The following AP1G1 variants were observed in gnomAD, a reference collection of about 807,000 sequenced individuals.
The protein encoded by AP1G1 is AP-1 complex subunit gamma-1.
AP1G1 carries 7 observed loss-of-function variants against 108.3 expected under a neutral mutation model. That is an observed-to-expected ratio of 0.06 (90% confidence interval 0.04 to 0.12). The LOEUF (loss-of-function observed/expected upper bound fraction) is 0.12. Ranked by LOEUF, AP1G1 falls within the 10% of genes least tolerant of loss-of-function variation. The probability of loss-of-function intolerance (pLI) is 1.00; values close to 1 mark genes in which losing one functional copy is unlikely to be tolerated. For synonymous variants in AP1G1, 379 were observed against 353.5 expected, an observed-to-expected ratio of 1.07 and a Z score of -0.81; for missense variants, 756 against 1,010.7, an observed-to-expected ratio of 0.75 and a Z score of 3.42.
At chr16:71,755,647 T>TG (rs1437640542) in intron 12 of AP1G1, among the ~76,000 whole-genome samples, 10 of 151,760 alleles carry the variant, frequency 6.6e-5, no homozygotes, top group Admixed American at 2.0e-4. Context: ...CCATTTTTTT[T>TG]TTTTTGTTTT....
chr16:71,765,754 G>A (rs1387099829), intron 6 of AP1G1, 170 bp from the exon 7 acceptor site: 4 of 565,934 alleles, frequency 7.1e-6, no homozygotes. Flanking sequence ...AGTAACTTAG[G>A]GCAATATTCA....
At chr16:71,747,954 T>A (rs928640019) in intron 16 of AP1G1, among the ~76,000 whole-genome samples, 3 of 152,168 alleles carry the variant, frequency 2.0e-5, no homozygotes, top group African/African-American at 7.2e-5. Context: ...CTGCACCCCA[T>A]CCTGGGTAAG....
chr16:71,739,105 G>A lies in AP1G1; in HGVS notation c.2108-3C>T. The A allele has an allele frequency of 6.2e-7, 1 of 1,614,116 alleles. No homozygotes were observed. Among genetic ancestry groups the A allele is most frequent in the Non-Finnish European group, 8.5e-7 (1 of 1,179,998 alleles). ...GTATGCTGTGATGGAGGGGATGCCT[G>A]AGAAAGTACAGGAAGATAAGTCTTA... On this transcript the variant is annotated splice_polypyrimidine_tract_variant and splice_region_variant and intron_variant, in intron 20 of 22. Transcript: ENST00000299980.
intron 2 of AP1G1, among the ~76,000 whole-genome samples, chr16:71,785,110 A>G (rs1275932061): frequency 2.0e-5 from 3 of 151,944 alleles, no homozygotes; most frequent in Non-Finnish European, 4.4e-5. Context: ...AAGCTTCTAT[A>G]TACAGTATGT....
chr16:71,747,689 C>T (rs1480200563), intron 16 of AP1G1, among the ~76,000 whole-genome samples: 2 of 151,860 alleles, frequency 1.3e-5, no homozygotes, highest in Non-Finnish European at 2.9e-5. Context: ...ATTCTAAAAA[C>T]GTAACTTTTA....
chr16:71,768,500 C>CA lies in AP1G1; in HGVS notation c.642+1122dup, dbSNP rs527404594. On this transcript the variant is annotated intron_variant, in intron 6 of 22. Transcript: ENST00000299980. ...TGGGCGACAGAGCCAGACTCCGCCACAAAAAAAAAAAAAGAGAGAAGGGAG... is the reference window on the plus strand; with the variant it reads ...TGGGCGACAGAGCCAGACTCCGCCACAAAAAAAAAAAAAAGAGAGAAGGGAG... Among the ~76,000 whole-genome samples, 22 of 83,714 alleles carry CA rather than the reference C, an allele frequency of 2.6e-4. 2 individuals carry two copies. The highest frequency in any genetic ancestry group is 3.0e-4 in the Non-Finnish European group (14 of 47,220). 54.9% of individuals were successfully genotyped at this position (83,714 alleles called of 152,430 possible). A position where few individuals can be genotyped will look rare whatever the true frequency, so the allele number is the denominator to read the frequency against.
At chr16:71,768,211 A>G (rs2031396447) in intron 6 of AP1G1, among the ~76,000 whole-genome samples, 1 of 151,054 alleles carries the variant, frequency 6.6e-6, no homozygotes, top group African/African-American at 2.4e-5. Flanking sequence ...AAAAAAAAAA[A>G]AAAAGGCCGG....
At chr16:71,787,353 G>C in intron 2 of AP1G1, among the ~76,000 whole-genome samples, 1 of 151,494 alleles carries the variant, frequency 6.6e-6, no homozygotes, top group Non-Finnish European at 1.5e-5. Flanking sequence ...AATTAGCTGG[G>C]TGTGGTGCCA....
chr16:71,798,829 AG>A (rs1373508961), intron 1 of AP1G1, among the ~76,000 whole-genome samples: 1 of 151,628 alleles, frequency 6.6e-6, no homozygotes, highest in Non-Finnish European at 1.5e-5. Flanking sequence ...CAGAGGCTGC[AG>A]TGAGCCGAGA....
chr16:71,768,936 A>AAAAG (rs2031444654), intron 6 of AP1G1, among the ~76,000 whole-genome samples: 8 of 121,260 alleles, frequency 6.6e-5, no homozygotes, highest in Non-Finnish European at 1.7e-5. Context: ...AAAAAAAAAA[A>AAAAG]AAAAGAAAAG....
chr16:71,735,586 C>T (rs1437169643), intron 21 of AP1G1, among the ~76,000 whole-genome samples: 1 of 151,124 alleles, frequency 6.6e-6, no homozygotes, highest in Non-Finnish European at 1.5e-5. Flanking sequence ...CGCTTGAACC[C>T]AGGAGGTTGT....
intron 12 of AP1G1, 132 bp downstream of exon 12, chr16:71,755,887 A>T: frequency 2.2e-6 from 2 of 917,466 alleles, no homozygotes; most frequent in East Asian, 2.6e-5. Flanking sequence ...TTCATGATCC[A>T]CCTGCCTTGG....
intron 2 of AP1G1, among the ~76,000 whole-genome samples, chr16:71,775,009 C>T (rs1342748795): frequency 6.7e-6 from 1 of 148,162 alleles, no homozygotes; most frequent in African/African-American, 2.5e-5. Flanking sequence ...GCATGAGCCA[C>T]CGCGCCTGGC....
In AP1G1 at chr16:71,771,193, T is replaced by C. The variant is rs1157234672; in HGVS notation, c.528A>G (p.Leu176=). 3 of 1,610,768 alleles carry C rather than the reference T, an allele frequency of 1.9e-6. No individual in the cohort carries two copies. In the East Asian group the frequency reaches 6.7e-5, roughly 36 times the overall value. Residue 176 remains leucine (L), a synonymous_variant, in exon 5 of 23, where the codon TTA becomes TTG. Coordinates refer to ENST00000299980, the MANE Select transcript of AP1G1 (RefSeq NM_001128.6). ...RKVPELMEMF[L]PATKNLLNEK... is the part of the protein sequence containing the mutation. ...CATTCAATAAATTTTTTGTTGCTGG[T>C]AAAAACATCTCCATAAGTTCAGGAA...
intron 9 of AP1G1, among the ~76,000 whole-genome samples, chr16:71,762,157 T>A (rs1006739112): frequency 2.0e-5 from 3 of 152,004 alleles, no homozygotes; most frequent in African/African-American, 7.2e-5. Flanking sequence ...GGCACACCCA[T>A]GCAATATGGA....
At position 71,729,497 on chromosome 16, in the gene AP1G1, G is replaced by A. The variant is rs2045458733; in HGVS notation, c.*3561C>T. ...TGAAGCCAGAATCAGCCTCTTGGAA[G>A]TCTGTAAAGCAACTGTGCAAGCTGC... On this transcript the variant is annotated 3_prime_UTR_variant, in exon 23 of 23. Coordinates refer to ENST00000299980, the MANE Select transcript of AP1G1 (RefSeq NM_001128.6). The A allele has an allele frequency of 6.6e-6, 1 of 150,958 alleles. No individual in the cohort carries two copies. The highest frequency in any genetic ancestry group is 1.5e-5 in the Non-Finnish European group (1 of 67,864). 9.4% of individuals were successfully genotyped at this position (150,958 alleles called of 1,614,324 possible).
intron 10 of AP1G1, among the ~76,000 whole-genome samples, chr16:71,760,500 G>T (rs1208233152): frequency 1.3e-5 from 2 of 149,404 alleles, no homozygotes; most frequent in East Asian, 4.0e-4. Context: ...AGCCAAGATT[G>T]TGCCACTGCA....
chr16:71,796,313 A>G (rs1363192872), intron 1 of AP1G1, among the ~76,000 whole-genome samples: 1 of 152,192 alleles, frequency 6.6e-6, no homozygotes, highest in African/African-American at 2.4e-5. Flanking sequence ...GCATTGTAAG[A>G]CAAGCATAAT....
rs773051869 is a variant in AP1G1, at chr16:71,761,585, A to T, written c.919-18T>A. 3.8e-6 allele frequency: 6 copies of T among 1,590,682 alleles called. No homozygotes were observed. The highest frequency in any genetic ancestry group is 3.4e-5 in the Admixed American group (2 of 58,530). ...GCTAGGACCTAAAGAGAAACAGCATAGGTCGAAATTTAGGAAAATGGAAGT... is the reference window on the plus strand; with the variant it reads ...GCTAGGACCTAAAGAGAAACAGCATTGGTCGAAATTTAGGAAAATGGAAGT... On this transcript the variant is annotated intron_variant, in intron 9 of 22. Transcript: ENST00000299980.
Sources: allele counts gnomAD v4.1 joint callset (sites outside exome capture counted in the v4.1 genomes callset), GRCh38; gene constraint gnomAD v4.1.1; transcripts MANE v1.5; gene names NCBI Gene and HGNC (gene_info 2026-07-23, HGNC 2026-07-21).